LRRC3C: variants seen among roughly 807,000 people sequenced by gnomAD.
LRRC3C encodes leucine-rich repeat-containing protein 3C.
LRRC3C carries 11 observed loss-of-function variants against 14.8 expected under a neutral mutation model. The observed-to-expected ratio is 0.74, with a 90% CI of 0.47 to 1.23. The LOEUF is 1.23. LRRC3C is among the 50% of genes most tolerant of loss of function. The probability of loss-of-function intolerance (pLI) is 0.00; values close to 1 mark genes in which losing one functional copy is unlikely to be tolerated. For synonymous variants in LRRC3C, 149 were observed against 161.5 expected, an observed-to-expected ratio of 0.92 and a Z score of 0.59; for missense variants, 354 against 361.8, an observed-to-expected ratio of 0.98 and a Z score of 0.18.
chr17:39,937,709 C>G (rs150877212), intron 2 of LRRC3C, among the ~76,000 whole-genome samples: 206 of 152,326 alleles, frequency 1.4e-3, no homozygotes, highest in African/African-American at 4.5e-3. Flanking sequence ...CTTGGTGAAG[C>G]CTTCCTTGAT....
Position 39,944,381 on chromosome 17 carries a change from G to A in LRRC3C, c.475G>A (p.Ala159Thr), listed in dbSNP as rs1278915795. The A allele has an allele frequency of 8.5e-6, 13 of 1,525,000 alleles. No individual in the cohort carries two copies. Among genetic ancestry groups the A allele is most frequent in the African/African-American group, 1.4e-5 (1 of 72,774 alleles). The allele number at this position is 1,525,000 out of a possible 1,614,324, so 94.5% of individuals were successfully genotyped here. A position where few individuals can be genotyped will look rare whatever the true frequency, so the allele number is the denominator to read the frequency against. Residue 159 changes from alanine (A) to threonine (T), a missense_variant, in exon 4 of 4, where the codon GCA (alanine) becomes ACA (threonine). Ala to Thr is a moderately conservative substitution (Grantham distance 58, BLOSUM62 0). Coordinates refer to ENST00000377924, the MANE Select transcript of LRRC3C (RefSeq NM_001195545.2). ...VGLQIQVNLS[A>T]NPWHCDCALQ... The stretch of plus-strand genomic sequence containing the variant: ...GCTACAGATCCAAGTGAACCTATCC[G>A]CAAACCCATGGCACTGTGACTGCGC...
intron 3 of LRRC3C, among the ~76,000 whole-genome samples, chr17:39,942,545 A>T (rs1230501738): frequency 1.3e-5 from 2 of 152,124 alleles, no homozygotes; most frequent in African/African-American, 2.4e-5. Context: ...CTCAGAGATG[A>T]CCACATCAGG....
rs1480187466 is a variant in LRRC3C at position 39,944,131 on chromosome 17, C to T, written c.225C>T (p.Ser75=). 4.5e-5 allele frequency: 69 copies of T among 1,536,088 alleles called. No individual in the cohort carries two copies. The highest frequency in any genetic ancestry group is 1.1e-4 in the South Asian group (9 of 84,062). The change falls in exon 4 of 4, where the codon TCC becomes TCT. Residue 75 remains serine (S), a synonymous_variant. Transcript: ENST00000377924. The part of the protein sequence containing the change: ...CSQAGLSAVP[S]GIPNDTRKLY... The stretch of plus-strand genomic sequence containing the variant: ...AGGCAGGCCTCAGTGCTGTGCCCTC[C>T]GGCATCCCCAATGACACCCGCAAGC...
At position 39,944,822 on chromosome 17, in the gene LRRC3C, T is replaced by C; in HGVS notation, c.*88T>C. 2 of 1,238,994 alleles carry C rather than the reference T, an allele frequency of 1.6e-6. No homozygotes were observed. 76.8% of individuals were successfully genotyped at this position (1,238,994 alleles called of 1,614,324 possible). On this transcript the variant is annotated 3_prime_UTR_variant, in exon 4 of 4. Transcript: ENST00000377924. ...TGACCCCCTCTGCCTCCTGTGCAGCTTCACCCCTGCCCCCAAGCCCATCCC... is the reference window on the plus strand; with the variant it reads ...TGACCCCCTCTGCCTCCTGTGCAGCCTCACCCCTGCCCCCAAGCCCATCCC...
At chr17:39,933,095 C>CA (rs2144759867) in intron 1 of LRRC3C, among the ~76,000 whole-genome samples, 1 of 148,724 alleles carries the variant, frequency 6.7e-6, no homozygotes, top group South Asian at 2.2e-4. Context: ...AAGACAACAA[C>CA]AAAAAAACCT....
chr17:39,939,505 G>A, intron 2 of LRRC3C: 2 of 666,940 alleles, frequency 3.0e-6, no homozygotes, highest in Non-Finnish European at 3.7e-6. Flanking sequence ...AGATTTTAAT[G>A]TAATTGGTCC....
chr17:39,941,897 T>C (rs41365448), intron 3 of LRRC3C, among the ~76,000 whole-genome samples: 2,130 of 152,220 alleles, frequency 0.014, 51 homozygotes, highest in African/African-American at 0.049. Flanking sequence ...CTATCAATCA[T>C]TGAGGCTCTG....
chr17:39,935,969 C>A, intron 2 of LRRC3C, 75 bp downstream of exon 2: 1 of 857,630 alleles, frequency 1.2e-6, no homozygotes, highest in Middle Eastern at 6.0e-4. Flanking sequence ...TTTCAGTTAT[C>A]CCCCCATCCA....
In LRRC3C at chr17:39,944,598, G is replaced by A. The variant is rs1261328255; in HGVS notation, c.692G>A (p.Gly231Asp). The change falls in exon 4 of 4, where the codon GGC (glycine) becomes GAC (aspartate). Residue 231 changes from glycine to aspartate, a missense_variant. Gly to Asp is a moderately conservative substitution (Grantham distance 94). Transcript: ENST00000377924. ...TDVALLVTMG[G>D]WLTLMVAYLV... ...GTGGCCCTGCTGGTCACCATGGGGGGCTGGCTGACACTCATGGTGGCTTAT... is the reference window on the plus strand; with the variant it reads ...GTGGCCCTGCTGGTCACCATGGGGGACTGGCTGACACTCATGGTGGCTTAT... 5.2e-6 allele frequency: 8 copies of A among 1,535,560 alleles called. No individual in the cohort carries two copies. Among genetic ancestry groups the A allele is most frequent in the African/African-American group, 1.4e-5 (1 of 73,154 alleles).
intron 2 of LRRC3C, among the ~76,000 whole-genome samples, chr17:39,940,919 T>A (rs7216564): frequency 0.45 from 69,100 of 151,886 alleles, 15,842 homozygotes; most frequent in East Asian, 0.54. Flanking sequence ...ATTTTTTGTA[T>A]TTTTAGTAGA....
intron 2 of LRRC3C, among the ~76,000 whole-genome samples, chr17:39,937,007 C>A (rs1390555986): frequency 6.6e-6 from 1 of 151,940 alleles, no homozygotes; most frequent in Non-Finnish European, 1.5e-5. Context: ...CATGGTGGTG[C>A]ACGCCTGTAA....
chr17:39,939,523 G>A, intron 2 of LRRC3C: 1 of 535,226 alleles, frequency 1.9e-6, no homozygotes, highest in Non-Finnish European at 2.4e-6. Context: ...TCCAGATGAA[G>A]CCCCAGCATA....
At position 39,935,799 on chromosome 17, in the gene LRRC3C, C is replaced by A; in HGVS notation, c.-174-3C>A. 1 of 985,260 alleles carries A rather than the reference C, an allele frequency of 1.0e-6. No homozygotes were observed. The allele number at this position is 985,260 out of a possible 1,614,324, so 61.0% of individuals were successfully genotyped here. A position where few individuals can be genotyped will look rare whatever the true frequency, so the allele number is the denominator to read the frequency against. ...TGTATACACCCCTTGCTCTTTTCTA[C>A]AGGGAACAACAATAGCAGAGGCCTT... On this transcript the variant is annotated splice_polypyrimidine_tract_variant and splice_region_variant and intron_variant, in intron 1 of 3. Coordinates refer to ENST00000377924, the MANE Select transcript of LRRC3C (RefSeq NM_001195545.2).
In LRRC3C at chr17:39,941,478, GTCTTC is replaced by G; in HGVS notation, c.-45_-41del. The stretch of plus-strand genomic sequence containing the variant: ...CCGTGTCCAGTCCTGGTCACCCATA[GTCTTC>G]CAAAATCCAGCAAGAAAAATCCTTC... On this transcript the variant is annotated 5_prime_UTR_variant, in exon 3 of 4. Transcript: ENST00000377924. 6.6e-7 allele frequency: 1 copy of G among 1,516,624 alleles called. No individual in the cohort carries two copies. The highest frequency in any genetic ancestry group is 8.8e-7 in the Non-Finnish European group (1 of 1,130,070). 93.9% of individuals were successfully genotyped at this position (1,516,624 alleles called of 1,614,324 possible). A position where few individuals can be genotyped will look rare whatever the true frequency, so the allele number is the denominator to read the frequency against.
In LRRC3C at chr17:39,944,100, G is replaced by A; in HGVS notation, c.194G>A (p.Cys65Tyr). The A allele has an allele frequency of 6.5e-7, 1 of 1,536,158 alleles. No individual in the cohort carries two copies. The highest frequency in any genetic ancestry group is 1.2e-5 in the South Asian group (1 of 84,058). ...AKEAGERTFRCSQAGLSAVPS... is the reference protein window; with the variant it reads ...AKEAGERTFRYSQAGLSAVPS... ...GAAGCAGGTGAACGGACGTTCCGCTGCAGCCAGGCAGGCCTCAGTGCTGTG... is the reference window on the plus strand; with the variant it reads ...GAAGCAGGTGAACGGACGTTCCGCTACAGCCAGGCAGGCCTCAGTGCTGTG... The change falls in exon 4 of 4, where the codon TGC becomes TAC. Residue 65 changes from cysteine (C) to tyrosine (Y), a missense_variant. Transcript: ENST00000377924.
At position 39,931,703 on chromosome 17, in the gene LRRC3C, A is replaced by G. The variant is rs1741630156; in HGVS notation, c.-175+3889A>G. On this transcript the variant is annotated intron_variant, in intron 1 of 3. Transcript: ENST00000377924. ...CTCACTCTGTCACCCAGGCTGGAGC[A>G]CAGTGGTGCAGTTTCGGCTCACTGC... 1.4e-5 allele frequency among the ~76,000 whole-genome samples: 2 copies of G among 142,190 alleles called. 1 individual carries two copies. The highest frequency in any genetic ancestry group is 4.5e-4 in the South Asian group (2 of 4,462). 93.3% of individuals were successfully genotyped at this position (142,190 alleles called of 152,430 possible).
intron 1 of LRRC3C, among the ~76,000 whole-genome samples, chr17:39,932,960 G>C (rs527536105): frequency 2.6e-5 from 4 of 151,932 alleles, no homozygotes; most frequent in Admixed American, 2.6e-4. Context: ...ACTGAGGTGG[G>C]AGAATTGCTT....
At chr17:39,941,374 AG>A in intron 2 of LRRC3C, 68 bp from the exon 3 acceptor site, 1 of 498,594 alleles carries the variant, frequency 2.0e-6, no homozygotes, top group Non-Finnish European at 3.6e-6. Context: ...AAAAAAAGGA[AG>A]AAATTCTTAA....
At chr17:39,935,921 A>G (rs1568117923) in intron 2 of LRRC3C, 27 bp downstream of exon 2, 8 of 950,568 alleles carry the variant, frequency 8.4e-6, no homozygotes, top group Non-Finnish European at 8.8e-6. Context: ...TATCTTCTCT[A>G]TCTATCTATC....
Sources: allele counts gnomAD v4.1 joint callset (sites outside exome capture counted in the v4.1 genomes callset), GRCh38; gene constraint gnomAD v4.1.1; transcripts MANE v1.5; gene names NCBI Gene and HGNC (gene_info 2026-07-23, HGNC 2026-07-21).